The following DCST2 variants were observed in gnomAD, a reference collection of about 807,000 sequenced individuals.
DCST2 encodes the protein DC-STAMP domain-containing protein 2.
DCST2 carries 64 observed loss-of-function variants against 81.8 expected under a neutral mutation model. That is an observed-to-expected ratio of 0.78 (90% confidence interval 0.64 to 0.96). The LOEUF (loss-of-function observed/expected upper bound fraction) is 0.96. Among genes scored for constraint, DCST2 ranks in the 40% least tolerant of loss-of-function variants. The probability of loss-of-function intolerance (pLI) is 0.00; values close to 1 mark genes in which losing one functional copy is unlikely to be tolerated. For missense variants in DCST2, 945 were observed against 1,001.4 expected (o/e 0.94, Z 0.76); for synonymous variants, 354 against 402.6 (o/e 0.88, Z 1.44).
At position 155,022,063 on chromosome 1, in the gene DCST2, C is replaced by T. The variant is rs1051309091; in HGVS notation, c.2105+1054G>A. Among the ~76,000 whole-genome samples the T allele has an allele frequency of 4.0e-5, 6 of 151,884 alleles. No homozygotes were observed. The South Asian group carries it at 1.0e-3, about 26-fold the overall frequency. Reference sequence around the variant, plus strand: ...TGTATTTTTAGTAGAGATGGGGTTTCGCCATGTTGGCCAGGCTGGTCTCGA... The same window carrying T: ...TGTATTTTTAGTAGAGATGGGGTTTTGCCATGTTGGCCAGGCTGGTCTCGA... On this transcript the variant is annotated intron_variant, in intron 14 of 14. Transcript: ENST00000368424.
At chr1:155,032,079 C>T (rs999237093) in intron 3 of DCST2, among the ~76,000 whole-genome samples, 12 of 152,110 alleles carry the variant, frequency 7.9e-5, no homozygotes, top group Admixed American at 1.3e-4. Context: ...TTGCAACCTC[C>T]GCCTCCTGGG....
intron 5 of DCST2, 160 bp downstream of exon 5, chr1:155,031,009 G>C: frequency 1.3e-6 from 1 of 790,102 alleles, no homozygotes; most frequent in Non-Finnish European, 2.0e-6. Context: ...TTCCTGATCT[G>C]TACAGCATGG....
At chr1:155,026,188 G>C in intron 10 of DCST2, 114 bp downstream of exon 10, 1 of 935,566 alleles carries the variant, frequency 1.1e-6, no homozygotes, top group Non-Finnish European at 1.6e-6. Flanking sequence ...TCAACCAGAG[G>C]AGAGCGGGCT....
intron 3 of DCST2, among the ~76,000 whole-genome samples, chr1:155,032,296 C>A (rs933798775): frequency 4.6e-5 from 7 of 150,922 alleles, no homozygotes; most frequent in Non-Finnish European, 7.4e-5. Context: ...CTGGCCCCCC[C>A]GCTTTTTTTT....
In DCST2 at chr1:155,023,137, C is replaced by T. The variant is rs762323869; in HGVS notation, c.2085G>A (p.Met695Ile). The change falls in exon 14 of 15, where the codon ATG becomes ATA. Residue 695 changes from methionine to isoleucine, a missense_variant. Physicochemically the swap from Met to Ile is conservative, Grantham distance 10. Transcript: ENST00000368424. The part of the protein sequence containing the change: ...LQEVLGRSLS[M>I]ESTSESSDLD... ...CTCACCTGGACTCGGAAGTGGACTC[C>T]ATTGAGAGGCTCCTGCCGAGCACTT... is the stretch of plus-strand genomic sequence containing the variant. 6 of 1,613,224 alleles carry T rather than the reference C, an allele frequency of 3.7e-6. No individual in the cohort carries two copies. The highest frequency in any genetic ancestry group is 5.1e-6 in the Non-Finnish European group (6 of 1,180,036).
chr1:155,025,860 CT>C (rs796607682), intron 10 of DCST2, among the ~76,000 whole-genome samples: 3 of 150,886 alleles, frequency 2.0e-5, no homozygotes, highest in African/African-American at 4.9e-5. Flanking sequence ...GTTTTATTTT[CT>C]TTTTTTTTCT....
At chr1:155,024,053 C>T (rs1659828743) in intron 11 of DCST2, 94 bp from the exon 12 acceptor site, 2 of 1,490,106 alleles carry the variant, frequency 1.3e-6, no homozygotes, top group African/African-American at 1.4e-5. Context: ...GGAGGACTTC[C>T]TGACTTCCTG....
Position 155,033,079 on chromosome 1 carries a change from A to C in DCST2, c.439+15T>G. 1 of 1,544,612 alleles carries C rather than the reference A, an allele frequency of 6.5e-7. No homozygotes were observed. The highest frequency in any genetic ancestry group is 1.2e-5 in the South Asian group (1 of 81,258). On this transcript the variant is annotated intron_variant, in intron 2 of 14. Coordinates refer to ENST00000368424, the MANE Select transcript of DCST2 (RefSeq NM_144622.3). ...GGGGGCCCGTGGGAGACAGTGGTAG[A>C]GGTGGGGGACTTACTGACAAGAGGT...
chr1:155,031,679 C>T lies in DCST2; in HGVS notation c.634G>A (p.Val212Ile), dbSNP rs1330217002. The T allele has an allele frequency of 6.2e-7, 1 of 1,614,190 alleles. No homozygotes were observed. Among genetic ancestry groups the T allele is most frequent in the African/African-American group, 1.3e-5 (1 of 75,050 alleles). ...CAGCTGTCCTTGGCATCATCGAAAA[C>T]CCGTGCACACTTCAGGTAAGGGTTG... Reference protein sequence around the residue: ...LGNPYLKCARVFDDAKDSCMM... With the variant: ...LGNPYLKCARIFDDAKDSCMM... The change falls in exon 4 of 15, where the codon GTT (valine) becomes ATT (isoleucine). Residue 212 changes from valine (V) to isoleucine (I), a missense_variant. By Grantham distance (29) the Val-to-Ile change is conservative. Coordinates refer to ENST00000368424, the MANE Select transcript of DCST2 (RefSeq NM_144622.3).
rs373083804 is a variant in DCST2 at position 155,024,473 on chromosome 1, G to A, written c.1741C>T (p.Arg581Trp). 1.9e-5 allele frequency: 31 copies of A among 1,600,198 alleles called. No individual in the cohort carries two copies. Among genetic ancestry groups the A allele is most frequent in the Middle Eastern group, 1.7e-4 (1 of 6,056 alleles). Reference protein sequence around the residue: ...HRSAFLVLASRCPCLGPFVSH... With the variant: ...HRSAFLVLASWCPCLGPFVSH... ...CTATAGAAAAGACAGTGGCCTCACCGACTGGCCAGCACTAGGAAGGCACTT... is the reference window on the plus strand; with the variant it reads ...CTATAGAAAAGACAGTGGCCTCACCAACTGGCCAGCACTAGGAAGGCACTT... The change falls in exon 11 of 15, where the codon CGG becomes TGG. Residue 581 changes from arginine (R) to tryptophan (W), a missense_variant and splice_region_variant. By Grantham distance (101) the Arg-to-Trp change is moderately radical (BLOSUM62 -3). Transcript: ENST00000368424.
chr1:155,026,582 G>A lies in DCST2; in HGVS notation c.1476C>T (p.Pro492=), dbSNP rs1402123030. The change falls in exon 9 of 15, where the codon CCC becomes CCT. Residue 492 remains proline, a synonymous_variant. Transcript: ENST00000368424. ...SILSRRCLLR[P]SEPDSTGYIV... ...TGTAGCCAGTGCTGTCAGGCTCCGA[G>A]GGACGAAGGAGACAACGCCGGGACA... 1 of 1,614,230 alleles carries A rather than the reference G, an allele frequency of 6.2e-7. No homozygotes were observed. Among genetic ancestry groups the A allele is most frequent in the Non-Finnish European group, 8.5e-7 (1 of 1,180,048 alleles).
chr1:155,029,429 T>A, intron 7 of DCST2, 32 bp from the exon 8 acceptor site: 1 of 1,603,004 alleles, frequency 6.2e-7, no homozygotes, highest in Non-Finnish European at 8.5e-7. Flanking sequence ...AGGAGGATGC[T>A]CCCCAGTTCT....
chr1:155,029,361 T>TA lies in DCST2; in HGVS notation c.1213dup (p.Tyr405LeufsTer30), dbSNP rs774746029. On this transcript the variant is annotated frameshift_variant, in exon 8 of 15. Transcript: ENST00000368424. LOFTEE classifies it high-confidence loss of function. ...GATAAGGTTGAAGGTCTCCAGAATG[T>TA]AAAAAAACTTCTCCCATTGGGACAA... 6.2e-6 allele frequency: 10 copies of TA among 1,613,798 alleles called. No individual in the cohort carries two copies. The highest frequency in any genetic ancestry group is 2.2e-5 in the East Asian group (1 of 44,874).
In DCST2 at chr1:155,026,376, TGAA is replaced by T; in HGVS notation, c.1534_1536del (p.Phe512del). ...CTGACATAGCTGCCAAACAGGGTGA[TGAA>T]GAAGCATAGGCCATACATGACGCCT... On this transcript the variant is annotated inframe_deletion, in exon 10 of 15. Coordinates refer to ENST00000368424, the MANE Select transcript of DCST2 (RefSeq NM_144622.3). 1 of 1,613,790 alleles carries T rather than the reference TGAA, an allele frequency of 6.2e-7. No homozygotes were observed. Among genetic ancestry groups the T allele is most frequent in the Non-Finnish European group, 8.5e-7 (1 of 1,180,018 alleles).
intron 8 of DCST2, among the ~76,000 whole-genome samples, chr1:155,027,471 C>T (rs1278600486): frequency 6.8e-6 from 1 of 148,112 alleles, no homozygotes; most frequent in Admixed American, 6.8e-5. Flanking sequence ...TGGCTGAGCA[C>T]TGACTGTGTA....
rs904031183 is a variant in DCST2, at chr1:155,029,539, G to A, written c.1178-142C>T. On this transcript the variant is annotated intron_variant, in intron 7 of 14. Transcript: ENST00000368424. ...ATACGGAAAAGAAAAGAAGCTGTGA[G>A]GACTCTGGCAAGGATGGAAAATACT... 7.1e-6 allele frequency: 6 copies of A among 846,446 alleles called. No homozygotes were observed. In the Admixed American group the frequency reaches 1.4e-4, roughly 20 times the overall value. 52.4% of individuals were successfully genotyped at this position (846,446 alleles called of 1,614,324 possible).
In DCST2 at chr1:155,030,099, G is replaced by A. The variant is rs371970604; in HGVS notation, c.1162C>T (p.Arg388Cys). The A allele has an allele frequency of 8.7e-5, 141 of 1,613,526 alleles. No homozygotes were observed. The highest frequency in any genetic ancestry group is 1.9e-4 in the South Asian group (17 of 91,050). The change falls in exon 7 of 15, where the codon CGC (arginine) becomes TGC (cysteine). Residue 388 changes from arginine (R) to cysteine (C), a missense_variant. Arg to Cys is a radical substitution (Grantham distance 180, BLOSUM62 -3). Coordinates refer to ENST00000368424, the MANE Select transcript of DCST2 (RefSeq NM_144622.3). ...VLPLSAHEAR[R>C]YIPPGSIFLS... ...GGGCCCTCACCCGGTGGGATGTAGC[G>A]CCTGGCCTCGTGAGCACTGAGCGGT...
At chr1:155,031,077 G>T in intron 5 of DCST2, 92 bp downstream of exon 5, 1 of 1,333,214 alleles carries the variant, frequency 7.5e-7, no homozygotes, top group Non-Finnish European at 1.0e-6. Context: ...TCCTTTATGG[G>T]CTGGGAGCAC....
chr1:155,021,287 C>G (rs1659749469), intron 14 of DCST2, among the ~76,000 whole-genome samples: 1 of 152,102 alleles, frequency 6.6e-6, no homozygotes, highest in Non-Finnish European at 1.5e-5. Context: ...AGGCGTGAGC[C>G]ACCATGCCCT....
Sources: allele counts gnomAD v4.1 joint callset (sites outside exome capture counted in the v4.1 genomes callset), GRCh38; gene constraint gnomAD v4.1.1; transcripts MANE v1.5; gene names NCBI Gene and HGNC (gene_info 2026-07-23, HGNC 2026-07-21).